Variants in SHROOM4 observed in about 807,000 individuals in gnomAD.
The protein encoded by SHROOM4 is shroom family member 4.
SHROOM4 carries 17 observed loss-of-function variants against 80.3 expected under a neutral mutation model. The ratio of observed to expected loss-of-function variants is 0.21; its 90% CI spans 0.14 to 0.32. SHROOM4 has a LOEUF of 0.32. Among genes scored for constraint, SHROOM4 ranks in the 10% least tolerant of loss-of-function variants. SHROOM4 has a pLI of 1.00. For synonymous variants in SHROOM4, 400 were observed against 437.5 expected, an observed-to-expected ratio of 0.91 and a Z score of 1.07; for missense variants, 993 against 1,140.3, an observed-to-expected ratio of 0.87 and a Z score of 1.86.
intron 1 of SHROOM4, among the ~76,000 whole-genome samples, chrX:50,777,774 G>A (rs1557270263): frequency 1.8e-5 from 2 of 111,982 alleles, no homozygotes; most frequent in Non-Finnish European, 3.8e-5. Flanking sequence ...AATTAGGTTC[G>A]CTTTTTCTCA....
downstream of SHROOM4, among the ~76,000 whole-genome samples, chrX:50,582,378 AT>A (rs1476830019): frequency 1.8e-5 from 2 of 111,850 alleles, no homozygotes; most frequent in Admixed American, 1.9e-4. Flanking sequence ...ATTTTAAGCC[AT>A]TCAGTTGTGG....
At chrX:50,668,352 G>A (rs1308596167) in intron 2 of SHROOM4, among the ~76,000 whole-genome samples, 1 of 111,151 alleles carries the variant, frequency 9.0e-6, no homozygotes, top group Non-Finnish European at 1.9e-5. Context: ...CAGCAAGGGA[G>A]ATATCAGTGA....
chrX:50,794,393 G>A (rs183257990), intron 1 of SHROOM4, among the ~76,000 whole-genome samples: 3 of 110,657 alleles, frequency 2.7e-5, no homozygotes, highest in African/African-American at 6.6e-5. Context: ...TATCTCACTC[G>A]AACAGAGAGC....
At chrX:50,777,719 C>T (rs1302308568) in intron 1 of SHROOM4, among the ~76,000 whole-genome samples, 1 of 111,417 alleles carries the variant, frequency 9.0e-6, no homozygotes, top group Non-Finnish European at 1.9e-5. Context: ...TTATAAAAAC[C>T]AAGATTAATA....
chrX:50,814,106 C>T lies in SHROOM4; in HGVS notation c.-88G>A, dbSNP rs1936409711. The T allele has an allele frequency of 1.6e-6, 1 of 617,016 alleles. No individual in the cohort carries two copies. Among genetic ancestry groups the T allele is most frequent in the Non-Finnish European group, 2.7e-6 (1 of 370,298 alleles). The allele number at this position is 617,016 out of a possible 1,213,427, so 50.8% of individuals were successfully genotyped here. A position where few individuals can be genotyped will look rare whatever the true frequency, so the allele number is the denominator to read the frequency against. On this transcript the variant is annotated 5_prime_UTR_variant, in exon 1 of 9. Coordinates refer to ENST00000376020, the MANE Select transcript of SHROOM4 (RefSeq NM_020717.5). ...CAGCAGCTCCGCCACCATCGCCCTC[C>T]AGCTCTACGCCACCCCGCACCGCCC...
intron 2 of SHROOM4, among the ~76,000 whole-genome samples, chrX:50,668,230 C>T (rs782496456): frequency 3.6e-5 from 4 of 111,835 alleles, no homozygotes; most frequent in Non-Finnish European, 7.5e-5. Context: ...CAAGGAGCCC[C>T]TCCTCCCAGC....
chrX:50,635,778 G>A (rs1254571643), intron 3 of SHROOM4, 110 bp from the exon 4 acceptor site: 47 of 589,949 alleles, frequency 8.0e-5, no homozygotes, highest in Admixed American at 5.0e-4. Context: ...AGGAGGGTAG[G>A]CAAAAAAAAA....
At chrX:50,663,339 G>A (rs1932576482) in intron 2 of SHROOM4, among the ~76,000 whole-genome samples, 1 of 111,745 alleles carries the variant, frequency 8.9e-6, no homozygotes, top group Non-Finnish European at 1.9e-5. Context: ...CTCTTCTTCA[G>A]CCTTTATACT....
chrX:50,669,568 T>G (rs1033366142), intron 2 of SHROOM4, among the ~76,000 whole-genome samples: 4 of 111,889 alleles, frequency 3.6e-5, no homozygotes, highest in Admixed American at 1.9e-4. Context: ...CCCAAAGTGC[T>G]GGGATTACAG....
At chrX:50,617,985 C>G (rs1557251055) in intron 5 of SHROOM4, among the ~76,000 whole-genome samples, 3 of 111,535 alleles carry the variant, frequency 2.7e-5, no homozygotes, top group Non-Finnish European at 5.7e-5. Context: ...TGCAAGATGA[C>G]CAGATCAAAG....
chrX:50,723,330 G>A (rs868994783), intron 1 of SHROOM4, among the ~76,000 whole-genome samples: 318 of 63,618 alleles, frequency 5.0e-3, no homozygotes, highest in Middle Eastern at 8.8e-3. Flanking sequence ...GGGGAGGGAG[G>A]GGGAGGAGGG....
At chrX:50,586,652 A>G (rs1928765023), downstream of SHROOM4, among the ~76,000 whole-genome samples, 2 of 112,042 alleles carry the variant, frequency 1.8e-5, no homozygotes, top group Admixed American at 1.9e-4. Flanking sequence ...TCCATGTGAC[A>G]TGAATTGATT....
At chrX:50,610,454 T>A (rs1209308086) in intron 5 of SHROOM4, among the ~76,000 whole-genome samples, 1 of 111,231 alleles carries the variant, frequency 9.0e-6, no homozygotes, top group Non-Finnish European at 1.9e-5. Context: ...CTGACTACTT[T>A]ATCAAAAATA....
chrX:50,591,694 T>TTTCTTTCTTTCTTTCTTTTCTTTC lies in SHROOM4; in HGVS notation c.*5000_*5001insGAAAGAAAAGAAAGAAAGAAAGAA, dbSNP rs781942320. 1 of 233,049 alleles carries TTTCTTTCTTTCTTTCTTTTCTTTC rather than the reference T, an allele frequency of 4.3e-6. No individual in the cohort carries two copies. 19.2% of individuals were successfully genotyped at this position (233,049 alleles called of 1,213,427 possible). A position where few individuals can be genotyped will look rare whatever the true frequency, so the allele number is the denominator to read the frequency against. ...TTTTCTTTCTTTCTTTCTTTCTTTC[T>TTTCTTTCTTTCTTTCTTTTCTTTC]TTTCTTTCTTTCTTTCTTTCTTTCT... On this transcript the variant is annotated 3_prime_UTR_variant, in exon 9 of 9. Transcript: ENST00000376020.
chrX:50,734,088 G>A (rs1557266499), intron 1 of SHROOM4, among the ~76,000 whole-genome samples: 1 of 111,925 alleles, frequency 8.9e-6, no homozygotes, highest in Non-Finnish European at 1.9e-5. Flanking sequence ...CTTACACTCT[G>A]AAAACTACTA....
chrX:50,630,964 T>C (rs1931031774), intron 4 of SHROOM4, among the ~76,000 whole-genome samples: 1 of 111,644 alleles, frequency 9.0e-6, no homozygotes, highest in Admixed American at 9.5e-5. Context: ...CAAGCAAACA[T>C]TTAAGGAAGA....
chrX:50,634,214 A>G lies in SHROOM4; in HGVS notation c.1859T>C (p.Val620Ala), dbSNP rs1931218179. The G allele has an allele frequency of 3.3e-6, 4 of 1,211,551 alleles. No homozygotes were observed. Among genetic ancestry groups the G allele is most frequent in the Non-Finnish European group, 4.5e-6 (4 of 895,458 alleles). ...TTCTGGGGGCTCCTGGGTCTCTTCCACTGGCTCCTTAGTGTCACACAGCTG... is the reference window on the plus strand; with the variant it reads ...TTCTGGGGGCTCCTGGGTCTCTTCCGCTGGCTCCTTAGTGTCACACAGCTG... ...LSQLCDTKEP[V>A]EETQEPPESP... The change falls in exon 4 of 9, where the codon GTG (valine) becomes GCG (alanine). Residue 620 changes from valine to alanine, a missense_variant. Physicochemically the swap from Val to Ala is moderately conservative, Grantham distance 64. Coordinates refer to ENST00000376020, the MANE Select transcript of SHROOM4 (RefSeq NM_020717.5).
intron 1 of SHROOM4, among the ~76,000 whole-genome samples, chrX:50,750,471 G>A (rs60486328): frequency 0.062 from 6,861 of 111,115 alleles, 553 homozygotes; most frequent in African/African-American, 0.21. Context: ...CATGTTGGCC[G>A]GGCTGCTCTC....
Position 50,595,736 on chromosome X carries a change from T to A in SHROOM4, c.*959A>T. 3.4e-6 allele frequency: 1 copy of A among 291,416 alleles called. No individual in the cohort carries two copies. The highest frequency in any genetic ancestry group is 6.4e-6 in the Non-Finnish European group (1 of 156,608). The allele number at this position is 291,416 out of a possible 1,213,427, so 24.0% of individuals were successfully genotyped here. A position where few individuals can be genotyped will look rare whatever the true frequency, so the allele number is the denominator to read the frequency against. ...ATTCAGGCTGATCTGCAGAAAATGC[T>A]TTCCTTCTGGGCTAACTTTTCCCTC... is the stretch of plus-strand genomic sequence containing the variant. On this transcript the variant is annotated 3_prime_UTR_variant, in exon 9 of 9. Transcript: ENST00000376020.
Sources: allele counts gnomAD v4.1 joint callset (sites outside exome capture counted in the v4.1 genomes callset), GRCh38; gene constraint gnomAD v4.1.1; transcripts MANE v1.5; gene names NCBI Gene and HGNC (gene_info 2026-07-23, HGNC 2026-07-21).